Variants in KCNMA1 observed in about 807,000 individuals in gnomAD.
KCNMA1 encodes the protein Calcium-activated potassium channel subunit alpha-1.
In KCNMA1, 29 loss-of-function variants were observed where a neutral mutation model predicts 140.0. The ratio of observed to expected loss-of-function variants is 0.21; its 90% confidence interval spans 0.15 to 0.28. The LOEUF (loss-of-function observed/expected upper bound fraction) is 0.28, where lower values mean the gene tolerates loss of function less well. Among genes scored for constraint, KCNMA1 ranks in the 10% least tolerant of loss-of-function variants. The probability of loss-of-function intolerance (pLI) is 1.00; values close to 1 mark genes in which losing one functional copy is unlikely to be tolerated. For missense variants in KCNMA1, 880 were observed against 1,602.2 expected (o/e 0.55, Z 7.70); for synonymous variants, 612 against 611.9 (o/e 1.00, Z 0.00).
chr10:77,450,209 C>T (rs914615520), intron 1 of KCNMA1, among the ~76,000 whole-genome samples: 4 of 152,108 alleles, frequency 2.6e-5, no homozygotes, highest in Non-Finnish European at 4.4e-5. Context: ...GTGCCCGCTA[C>T]CATGCCTGGC....
chr10:77,219,430 T>C (rs2048848034), intron 3 of KCNMA1, among the ~76,000 whole-genome samples: 1 of 152,182 alleles, frequency 6.6e-6, no homozygotes, highest in East Asian at 1.9e-4. Context: ...ACATTCCATA[T>C]CCATACCAGC....
At chr10:77,254,630 T>C (rs1565519748) in intron 2 of KCNMA1, among the ~76,000 whole-genome samples, 7 of 152,232 alleles carry the variant, frequency 4.6e-5, no homozygotes. Flanking sequence ...AAATGAACTA[T>C]TGCCTAGATG....
intron 3 of KCNMA1, among the ~76,000 whole-genome samples, chr10:77,204,025 G>A (rs1334468955): frequency 6.6e-6 from 1 of 151,572 alleles, no homozygotes; most frequent in African/African-American, 2.4e-5. Flanking sequence ...GAATCCATGA[G>A]GTGGAAGTTG....
At chr10:77,065,935 G>A (rs948843313) in intron 14 of KCNMA1, among the ~76,000 whole-genome samples, 3 of 152,140 alleles carry the variant, frequency 2.0e-5, no homozygotes, top group African/African-American at 7.2e-5. Flanking sequence ...CAGCCAGAGG[G>A]AACAAGAAGT....
At chr10:77,441,352 A>G (rs2097395653) in intron 1 of KCNMA1, among the ~76,000 whole-genome samples, 1 of 152,094 alleles carries the variant, frequency 6.6e-6, no homozygotes, top group Non-Finnish European at 1.5e-5. Flanking sequence ...AAAATTAATA[A>G]ATTCCCCAAA....
intron 2 of KCNMA1, among the ~76,000 whole-genome samples, chr10:77,305,991 T>C (rs2077604770): frequency 6.6e-6 from 1 of 152,196 alleles, no homozygotes; most frequent in Non-Finnish European, 1.5e-5. Context: ...TGCCTGGGCA[T>C]AAAGCTCACC....
chr10:77,400,599 CT>C (rs770683725), intron 2 of KCNMA1, among the ~76,000 whole-genome samples: 3 of 152,238 alleles, frequency 2.0e-5, no homozygotes, highest in Non-Finnish European at 4.4e-5. Context: ...CTGGCAGGTA[CT>C]AGCCTGGCTC....
chr10:77,521,515 C>T (rs948076771), intron 1 of KCNMA1, among the ~76,000 whole-genome samples: 1 of 152,202 alleles, frequency 6.6e-6, no homozygotes. Context: ...GATTTAACTG[C>T]CTCTCTGTGC....
chr10:77,141,486 C>T (rs537574156), intron 5 of KCNMA1, among the ~76,000 whole-genome samples: 1 of 152,336 alleles, frequency 6.6e-6, no homozygotes, highest in South Asian at 2.1e-4. Context: ...TCCCTCTCTG[C>T]CATGTCAGGA....
intron 2 of KCNMA1, among the ~76,000 whole-genome samples, chr10:77,310,859 C>T (rs1739127708): frequency 6.6e-6 from 1 of 152,190 alleles, no homozygotes; most frequent in Non-Finnish European, 1.5e-5. Context: ...CCCACATGAA[C>T]AGAAAAGTCT....
chr10:77,550,556 A>G (rs1364738748), intron 1 of KCNMA1, among the ~76,000 whole-genome samples: 1 of 152,226 alleles, frequency 6.6e-6, no homozygotes, highest in Non-Finnish European at 1.5e-5. Context: ...GTAGATCCAC[A>G]GAACCTAAGA....
rs2097649218 is a variant in KCNMA1, at chr10:77,122,952, G to C, written c.809-1904C>G. 1.3e-5 allele frequency among the ~76,000 whole-genome samples: 2 copies of C among 151,958 alleles called. 1 individual carries two copies. The highest frequency in any genetic ancestry group is 4.2e-4 in the South Asian group (2 of 4,818). ...CCAGCACTTTGGGAGGCCGAGGCGG[G>C]AGGATCACGAGGTCAGGAGATCGAG... On this transcript the variant is annotated intron_variant, in intron 5 of 27. Transcript: ENST00000286628.
intron 2 of KCNMA1, among the ~76,000 whole-genome samples, chr10:77,261,458 T>G (rs908112130): frequency 5.9e-5 from 9 of 152,188 alleles, no homozygotes; most frequent in Non-Finnish European, 1.3e-4. Context: ...TGCAGGTTCG[T>G]GTTCCCCAAA....
intron 2 of KCNMA1, among the ~76,000 whole-genome samples, chr10:77,255,647 C>T (rs530539454): frequency 1.3e-5 from 2 of 151,306 alleles, no homozygotes; most frequent in African/African-American, 4.9e-5. Context: ...GGCATGGTGG[C>T]TCACACCTGT....
chr10:76,870,286 C>T (rs1455277351), exon 28 of KCNMA1: 4 of 152,166 alleles, frequency 2.6e-5, no homozygotes, highest in Admixed American at 2.0e-4. Flanking sequence ...GGGTCACTCC[C>T]GCAGGCGTGT....
intron 14 of KCNMA1, among the ~76,000 whole-genome samples, chr10:77,068,019 C>A (rs2096023744): frequency 6.6e-6 from 1 of 152,198 alleles, no homozygotes; most frequent in Non-Finnish European, 1.5e-5. Flanking sequence ...TATCGTTTCT[C>A]ACATTTCCTT....
rs117611120 is a variant in KCNMA1, at chr10:77,238,619, G to A, written c.602+12576C>T. Among the ~76,000 whole-genome samples, 44 of 152,300 alleles carry A rather than the reference G, an allele frequency of 2.9e-4. No homozygotes were observed. In the East Asian group the frequency reaches 8.1e-3, roughly 28 times the overall value. On this transcript the variant is annotated intron_variant, in intron 3 of 27. Transcript: ENST00000286628. The stretch of plus-strand genomic sequence containing the variant: ...GTTAAGGGACACTTGATCAAGAAGG[G>A]AAAACACAGCAGAGACTTTCACTTA...
In KCNMA1 at chr10:76,996,190, G is replaced by A. The variant is rs187564190; in HGVS notation, c.2266+5217C>T. Reference sequence around the variant, plus strand: ...TGTTGGGAGCTCTTGACAGATGAGCGATGTAAAGGATCCTTCTCAAAGGCA... The same window carrying A: ...TGTTGGGAGCTCTTGACAGATGAGCAATGTAAAGGATCCTTCTCAAAGGCA... On this transcript the variant is annotated intron_variant, in intron 19 of 27. Coordinates refer to ENST00000286628, the MANE Select transcript of KCNMA1 (RefSeq NM_001161352.2). Among the ~76,000 whole-genome samples the A allele has an allele frequency of 3.6e-4, 55 of 152,310 alleles. No individual in the cohort carries two copies. The East Asian group carries it at 7.7e-3, about 21-fold the overall frequency.
intron 2 of KCNMA1, among the ~76,000 whole-genome samples, chr10:77,388,075 C>A (rs1371457): frequency 0.21 from 32,386 of 152,188 alleles, 4,134 homozygotes; most frequent in Non-Finnish European, 0.3. Flanking sequence ...TAGACTTGAT[C>A]TCTTCTAATC....
Sources: gnomAD v4.1 joint callset for allele counts (sites outside exome capture counted in the v4.1 genomes callset) on GRCh38, gnomAD v4.1.1 for gene constraint, MANE v1.5 for transcripts, NCBI Gene and HGNC (gene_info 2026-07-23, HGNC 2026-07-21) for gene names.